The following MICU1 variants were observed in gnomAD, a reference collection of about 807,000 sequenced individuals.
MICU1 encodes calcium uptake protein 1, mitochondrial.
MICU1 carries 45 observed loss-of-function variants against 56.8 expected under a neutral mutation model. The observed-to-expected ratio is 0.79, with a 90% CI of 0.62 to 1.02. MICU1 has a LOEUF of 1.02. MICU1 is among the 50% of genes least tolerant of loss of function. MICU1 has a pLI of 0.00. For missense variants in MICU1, 504 were observed against 587.1 expected, an observed-to-expected ratio of 0.86 and a Z score of 1.46; for synonymous variants, 186 against 195.1, an observed-to-expected ratio of 0.95 and a Z score of 0.39.
chr10:72,453,542 T>A (rs1564878514), intron 8 of MICU1, among the ~76,000 whole-genome samples: 1 of 152,124 alleles, frequency 6.6e-6, no homozygotes, highest in African/African-American at 2.4e-5. Context: ...TATTTATTTA[T>A]TTTTGAAACA....
chr10:72,441,884 C>T (rs1247870004), intron 8 of MICU1, among the ~76,000 whole-genome samples: 3 of 151,998 alleles, frequency 2.0e-5, no homozygotes, highest in African/African-American at 7.2e-5. Flanking sequence ...TCCCAGAATG[C>T]TAGGATTATA....
intron 5 of MICU1, among the ~76,000 whole-genome samples, chr10:72,531,883 ATT>A (rs1238580034): frequency 3.6e-5 from 5 of 139,392 alleles, no homozygotes; most frequent in South Asian, 2.3e-4. Context: ...ATAAGGTTTT[ATT>A]TTTTTTTTTT....
intron 5 of MICU1, among the ~76,000 whole-genome samples, chr10:72,526,420 C>A (rs1306914994): frequency 6.6e-6 from 1 of 152,094 alleles, no homozygotes; most frequent in Non-Finnish European, 1.5e-5. Flanking sequence ...CTCAGCCTCC[C>A]AAGTAGCTGG....
intron 8 of MICU1, among the ~76,000 whole-genome samples, chr10:72,472,128 T>C (rs1017432349): frequency 6.6e-6 from 1 of 152,214 alleles, no homozygotes; most frequent in Admixed American, 6.5e-5. Context: ...ATACATTTTC[T>C]TCATTCTGTG....
At chr10:72,484,657 G>A (rs1252515777) in intron 6 of MICU1, among the ~76,000 whole-genome samples, 3 of 152,262 alleles carry the variant, frequency 2.0e-5, no homozygotes, top group African/African-American at 7.2e-5. Context: ...GAGCTCAGGA[G>A]ATCAGAGGAT....
At chr10:72,490,666 T>C (rs1866624639) in intron 6 of MICU1, among the ~76,000 whole-genome samples, 1 of 152,136 alleles carries the variant, frequency 6.6e-6, no homozygotes, top group Non-Finnish European at 1.5e-5. Context: ...TAAGCATACT[T>C]TTCTGCACAA....
chr10:72,440,443 A>C (rs1216678227), intron 8 of MICU1, among the ~76,000 whole-genome samples: 1 of 152,156 alleles, frequency 6.6e-6, no homozygotes, highest in East Asian at 1.9e-4. Flanking sequence ...AACCACAAAA[A>C]CTCTAGAAGA....
rs181472444 is a variant in MICU1, at chr10:72,610,823, G to C, written c.-2+15187C>G. ...ATAAAGCTGAGTGGAGGAGGTTAGAGGGTGAATACAGAGGGGCAAATGGAC... is the reference window on the plus strand; with the variant it reads ...ATAAAGCTGAGTGGAGGAGGTTAGACGGTGAATACAGAGGGGCAAATGGAC... On this transcript the variant is annotated intron_variant, in intron 1 of 11. Transcript: ENST00000361114. 1.2e-3 allele frequency among the ~76,000 whole-genome samples: 187 copies of C among 152,300 alleles called. 1 individual carries two copies. The highest frequency in any genetic ancestry group is 4.0e-3 in the African/African-American group (168 of 41,562).
chr10:72,573,616 C>T (rs1430973799), intron 1 of MICU1, among the ~76,000 whole-genome samples: 1 of 152,150 alleles, frequency 6.6e-6, no homozygotes, highest in African/African-American at 2.4e-5. Flanking sequence ...GTAATATGCA[C>T]ATGCCAATTA....
At chr10:72,462,219 C>CTT (rs1187394084) in intron 8 of MICU1, among the ~76,000 whole-genome samples, 3 of 138,882 alleles carry the variant, frequency 2.2e-5, no homozygotes, top group Non-Finnish European at 4.7e-5. Context: ...CTTTTCTTTT[C>CTT]TTTTTTTTTT....
intron 6 of MICU1, among the ~76,000 whole-genome samples, chr10:72,496,554 C>T (rs1440930602): frequency 2.0e-5 from 3 of 152,132 alleles, no homozygotes; most frequent in Middle Eastern, 3.4e-3. Context: ...CACCTGCCTT[C>T]ACCTCCCAAA....
At chr10:72,493,193 G>A (rs1414314510) in intron 6 of MICU1, among the ~76,000 whole-genome samples, 1 of 151,488 alleles carries the variant, frequency 6.6e-6, no homozygotes, top group Non-Finnish European at 1.5e-5. Context: ...ATGTACATGT[G>A]TATACACACA....
chr10:72,472,656 C>A (rs1865986724), intron 8 of MICU1, among the ~76,000 whole-genome samples: 1 of 152,126 alleles, frequency 6.6e-6, no homozygotes, highest in East Asian at 1.9e-4. Context: ...ACATGGCAAA[C>A]ACTTACTGAC....
intron 1 of MICU1, among the ~76,000 whole-genome samples, chr10:72,607,335 CTG>C (rs1264085057): frequency 7.1e-6 from 1 of 141,192 alleles, no homozygotes. Context: ...GAGTGAAACT[CTG>C]TTTCAAAAAA....
intron 6 of MICU1, among the ~76,000 whole-genome samples, chr10:72,492,529 G>T (rs1483996552): frequency 6.6e-6 from 1 of 152,238 alleles, no homozygotes; most frequent in South Asian, 2.1e-4. Flanking sequence ...TTGGGAGGTT[G>T]AGGCGGATGG....
intron 1 of MICU1, among the ~76,000 whole-genome samples, chr10:72,578,610 T>C (rs1283198035): frequency 1.3e-5 from 2 of 151,298 alleles, no homozygotes; most frequent in Admixed American, 6.6e-5. Flanking sequence ...TTTTTTGCTG[T>C]TGTTGTTGTT....
At chr10:72,554,458 A>G (rs1021044975) in intron 3 of MICU1, among the ~76,000 whole-genome samples, 1 of 152,206 alleles carries the variant, frequency 6.6e-6, no homozygotes, top group Non-Finnish European at 1.5e-5. Context: ...AAAGAGAAAC[A>G]CGCTGAATTG....
Position 72,603,386 on chromosome 10 carries a change from C to CA in MICU1, c.-2+22623dup, listed in dbSNP as rs59129933. ...TGGGCAACAGAGCAAGACTCTGTCT[C>CA]AAAAAAAAAAAAAAAATACATAAAT... On this transcript the variant is annotated intron_variant, in intron 1 of 11. Transcript: ENST00000361114. Among the ~76,000 whole-genome samples, 438 of 129,642 alleles carry CA rather than the reference C, an allele frequency of 3.4e-3. 6 individuals carry two copies. Among genetic ancestry groups the CA allele is most frequent in the East Asian group, 0.01 (40 of 3,986 alleles). The allele number at this position is 129,642 out of a possible 152,430, so 85.1% of individuals were successfully genotyped here.
At chr10:72,449,230 T>C (rs1355695679) in intron 8 of MICU1, among the ~76,000 whole-genome samples, 2 of 152,092 alleles carry the variant, frequency 1.3e-5, no homozygotes, top group Non-Finnish European at 2.9e-5. Flanking sequence ...AAACCCTGTC[T>C]CTACCAAAAA....
Sources: allele counts gnomAD v4.1 joint callset (sites outside exome capture counted in the v4.1 genomes callset), GRCh38; gene constraint gnomAD v4.1.1; transcripts MANE v1.5; gene names NCBI Gene and HGNC (gene_info 2026-07-23, HGNC 2026-07-21).